TRPM3: variants seen among roughly 807,000 people sequenced by gnomAD.
TRPM3 encodes transient receptor potential cation channel subfamily M member 3.
Under a neutral mutation model 181.2 loss-of-function variants are expected in TRPM3, and 77 were observed. That is an observed-to-expected ratio of 0.42 (90% CI 0.35 to 0.51). The LOEUF is 0.51. Ranked by LOEUF, TRPM3 falls within the 20% of genes least tolerant of loss-of-function variation. TRPM3 has a pLI of 0.01. For missense variants in TRPM3, 1,759 were observed against 2,196.7 expected, an observed-to-expected ratio of 0.80 and a Z score of 3.98; for synonymous variants, 745 against 796.4, an observed-to-expected ratio of 0.94 and a Z score of 1.09.
chr9:71,328,969 G>C (rs1337283810), intron 1 of TRPM3, among the ~76,000 whole-genome samples: 1 of 152,180 alleles, frequency 6.6e-6, no homozygotes, highest in Non-Finnish European at 1.5e-5. Flanking sequence ...CAAAAGTGTA[G>C]ACTTCATTGG....
intron 1 of TRPM3, among the ~76,000 whole-genome samples, chr9:71,197,117 G>A (rs532911093): frequency 3.3e-5 from 5 of 152,050 alleles, no homozygotes; most frequent in African/African-American, 1.2e-4. Context: ...GAGAACATGC[G>A]ATGTTTGGTT....
intron 1 of TRPM3, among the ~76,000 whole-genome samples, chr9:71,202,114 G>A (rs892629671): frequency 3.3e-4 from 51 of 152,258 alleles, no homozygotes; most frequent in African/African-American, 1.2e-3. Flanking sequence ...TGTTTGCCTG[G>A]GTATCAGCAG....
chr9:71,333,126 ACACTC>A (rs2090326609), intron 1 of TRPM3, among the ~76,000 whole-genome samples: 1 of 151,924 alleles, frequency 6.6e-6, no homozygotes, highest in Non-Finnish European at 1.5e-5. Context: ...AGTGACAATG[ACACTC>A]AACAGAGATC....
intron 6 of TRPM3, among the ~76,000 whole-genome samples, chr9:70,802,915 T>A (rs964678852): frequency 3.3e-5 from 5 of 151,920 alleles, no homozygotes; most frequent in Non-Finnish European, 7.4e-5. Context: ...GGTTTTGTTT[T>A]CCATTTGTTT....
intron 9 of TRPM3, among the ~76,000 whole-genome samples, chr9:70,665,760 C>T (rs960551509): frequency 6.6e-6 from 1 of 152,132 alleles, no homozygotes; most frequent in Non-Finnish European, 1.5e-5. Context: ...TACCTGCATT[C>T]CCCATATTTT....
At chr9:70,573,974 A>T (rs1301777654) in intron 22 of TRPM3, among the ~76,000 whole-genome samples, 3 of 47,284 alleles carry the variant, frequency 6.3e-5, no homozygotes, top group African/African-American at 1.6e-4. Context: ...AATTCATTTC[A>T]CACACACACA....
chr9:70,774,720 T>C (rs1160761265), intron 7 of TRPM3: 1 of 152,202 alleles, frequency 6.6e-6, no homozygotes, highest in African/African-American at 2.4e-5. Context: ...AATGGATTAT[T>C]TACTGCTTAC....
intron 1 of TRPM3, among the ~76,000 whole-genome samples, chr9:71,412,351 T>C (rs1215003352): frequency 2.0e-5 from 3 of 152,150 alleles, no homozygotes; most frequent in Non-Finnish European, 2.9e-5. Flanking sequence ...CCTACCCACC[T>C]GACAAAGGGC....
intron 6 of TRPM3, among the ~76,000 whole-genome samples, chr9:70,804,112 C>CT (rs1390887499): frequency 2.0e-5 from 3 of 152,026 alleles, no homozygotes. Context: ...GGGTGGATCA[C>CT]TTGAGGCCAC....
At chr9:71,047,294 G>A (rs1184483178) in intron 1 of TRPM3, among the ~76,000 whole-genome samples, 1 of 152,160 alleles carries the variant, frequency 6.6e-6, no homozygotes, top group African/African-American at 2.4e-5. Flanking sequence ...ATAATAAATA[G>A]AGTATAGTCA....
intron 1 of TRPM3, among the ~76,000 whole-genome samples, chr9:71,265,756 T>C (rs373770450): frequency 3.3e-5 from 5 of 152,316 alleles, no homozygotes; most frequent in South Asian, 4.1e-4. Context: ...CTATTGTATG[T>C]TTACATTTTC....
At chr9:70,756,759 G>A (rs2077157009) in intron 8 of TRPM3, among the ~76,000 whole-genome samples, 1 of 152,156 alleles carries the variant, frequency 6.6e-6, no homozygotes, top group Non-Finnish European at 1.5e-5. Flanking sequence ...TGAAATTAAG[G>A]CAGAAATAAA....
chr9:70,567,564 T>C (rs553098453), intron 22 of TRPM3, among the ~76,000 whole-genome samples: 3 of 152,390 alleles, frequency 2.0e-5, no homozygotes, highest in South Asian at 2.1e-4. Flanking sequence ...GAATGCTTCA[T>C]GCAGTGCCAC....
chr9:70,993,002 C>A (rs2097503382), intron 1 of TRPM3, among the ~76,000 whole-genome samples: 1 of 152,060 alleles, frequency 6.6e-6, no homozygotes, highest in South Asian at 2.1e-4. Context: ...CAAGTACAAA[C>A]CCCCAAGAGA....
intron 8 of TRPM3, among the ~76,000 whole-genome samples, chr9:70,697,723 TGTGA>T (rs2071000729): frequency 6.6e-6 from 1 of 152,200 alleles, no homozygotes; most frequent in Non-Finnish European, 1.5e-5. Flanking sequence ...TCTGACTACT[TGTGA>T]GGAAGTTTCA....
chr9:70,835,392 C>A (rs1365904151), intron 5 of TRPM3, among the ~76,000 whole-genome samples: 1 of 151,890 alleles, frequency 6.6e-6, no homozygotes, highest in Non-Finnish European at 1.5e-5. Context: ...TTTAAGGCTT[C>A]GAAATGTGTC....
At chr9:71,431,633 A>C (rs1210714435) in intron 1 of TRPM3, among the ~76,000 whole-genome samples, 1 of 152,220 alleles carries the variant, frequency 6.6e-6, no homozygotes, top group Non-Finnish European at 1.5e-5. Flanking sequence ...TTGACAAAAA[A>C]TTAAAGGGTA....
In TRPM3 at chr9:71,121,394, G is replaced by A. The variant is rs1281018455; in HGVS notation, c.-40C>T. On this transcript the variant is annotated 5_prime_UTR_variant, in exon 1 of 26. Transcript: ENST00000677713. Reference sequence around the variant, plus strand: ...CACACCTGCAAATTCCATTAGGGCAGAGGCTTCCTGGAACTTGGAAGACTA... The same window carrying A: ...CACACCTGCAAATTCCATTAGGGCAAAGGCTTCCTGGAACTTGGAAGACTA... The A allele has an allele frequency of 1.3e-6, 2 of 1,598,724 alleles. No homozygotes were observed. The highest frequency in any genetic ancestry group is 8.5e-7 in the Non-Finnish European group (1 of 1,173,102).
intron 1 of TRPM3, among the ~76,000 whole-genome samples, chr9:71,267,936 T>C (rs2083501712): frequency 6.6e-6 from 1 of 152,200 alleles, no homozygotes; most frequent in Admixed American, 6.5e-5. Flanking sequence ...CCCACTTCAA[T>C]GTATTTAAAA....
Sources: allele counts gnomAD v4.1 joint callset (sites outside exome capture counted in the v4.1 genomes callset), GRCh38; gene constraint gnomAD v4.1.1; transcripts MANE v1.5; gene names NCBI Gene and HGNC (gene_info 2026-07-23, HGNC 2026-07-21).